NBAS: variants seen among roughly 807,000 people sequenced by gnomAD.
The protein encoded by NBAS is NAG/BC035112 fusion.
A neutral mutation model predicts 302.5 loss-of-function variants in NBAS; 219 were observed. The ratio of observed to expected loss-of-function variants is 0.72; its 90% confidence interval spans 0.65 to 0.81. NBAS has a LOEUF of 0.81. NBAS is among the 30% of genes least tolerant of loss of function. NBAS has a pLI of 0.00. For synonymous variants in NBAS, 1,118 were observed against 1,021.6 expected (o/e 1.09, Z -1.80); for missense variants, 2,932 against 2,841.6 (o/e 1.03, Z -0.72).
At chr2:15,283,288 A>G (rs1558501400) in intron 42 of NBAS, among the ~76,000 whole-genome samples, 1 of 152,192 alleles carries the variant, frequency 6.6e-6, no homozygotes, top group Non-Finnish European at 1.5e-5. Context: ...TGACACAAAT[A>G]ATCATAATAG....
chr2:15,517,161 T>C (rs1176566549), intron 9 of NBAS, among the ~76,000 whole-genome samples: 1 of 152,150 alleles, frequency 6.6e-6, no homozygotes, highest in Non-Finnish European at 1.5e-5. Flanking sequence ...TTACTTTTAT[T>C]TTAGGTTTAG....
intron 48 of NBAS, among the ~76,000 whole-genome samples, chr2:15,205,400 G>C (rs1006122260): frequency 3.9e-5 from 6 of 151,968 alleles, no homozygotes; most frequent in African/African-American, 1.5e-4. Flanking sequence ...GCAGGAGTAA[G>C]TCCTTACTTA....
the NBAS span, among the ~76,000 whole-genome samples, chr2:15,122,029 C>T: frequency 6.6e-6 from 1 of 152,072 alleles, no homozygotes; most frequent in South Asian, 2.1e-4. Context: ...CTAAGGGAAG[C>T]CTGAGGCTCC....
chr2:14,964,638 T>C, the NBAS span, among the ~76,000 whole-genome samples: 101 of 152,146 alleles, frequency 6.6e-4, 3 homozygotes, highest in Admixed American at 6.6e-3. Flanking sequence ...ATAAAACAAG[T>C]AAGCAGAAAA....
At chr2:14,907,508 T>G in the NBAS span, 1 of 152,346 alleles carries the variant, frequency 6.6e-6, no homozygotes, top group African/African-American at 2.4e-5. Flanking sequence ...AAAATACATA[T>G]GAAGCAGCGA....
At chr2:14,816,376 A>G in the NBAS span, among the ~76,000 whole-genome samples, 675 of 152,316 alleles carry the variant, frequency 4.4e-3, 2 homozygotes, top group African/African-American at 0.015. Flanking sequence ...ATGAGAATCT[A>G]ATGCCTGATG....
At chr2:15,316,084 C>G (rs1221455780) in intron 38 of NBAS, among the ~76,000 whole-genome samples, 1 of 152,162 alleles carries the variant, frequency 6.6e-6, no homozygotes, top group Non-Finnish European at 1.5e-5. Context: ...ATTACATGGA[C>G]GTTGCCATTA....
the NBAS span, among the ~76,000 whole-genome samples, chr2:15,079,937 TTACAACCATTA>T: frequency 6.4e-4 from 98 of 152,338 alleles, no homozygotes; most frequent in Middle Eastern, 3.4e-3. Context: ...GCATGATTTT[TTACAACCATTA>T]TATTGACAAA....
At chr2:14,859,061 A>G in the NBAS span, among the ~76,000 whole-genome samples, 12 of 152,206 alleles carry the variant, frequency 7.9e-5, no homozygotes, top group South Asian at 2.5e-3. Flanking sequence ...TGAAAAACAA[A>G]TCAAGAAAGT....
chr2:15,202,315 C>T (rs1429297495), intron 48 of NBAS, among the ~76,000 whole-genome samples: 1 of 152,112 alleles, frequency 6.6e-6, no homozygotes, highest in East Asian at 1.9e-4. Flanking sequence ...GTAATCACTC[C>T]CCATAAGTGC....
intron 28 of NBAS, 51 bp from the exon 29 acceptor site, chr2:15,383,368 A>T: frequency 6.5e-7 from 1 of 1,536,630 alleles, no homozygotes; most frequent in South Asian, 1.1e-5. Flanking sequence ...AACAATTAAA[A>T]TCTCTTTCTT....
chr2:14,902,514 A>T, the NBAS span, among the ~76,000 whole-genome samples: 1 of 152,226 alleles, frequency 6.6e-6, no homozygotes, highest in Non-Finnish European at 1.5e-5. Context: ...AGATACACAC[A>T]GAGAGAAGCT....
At chr2:15,358,637 G>A (rs1303982187) in intron 32 of NBAS, among the ~76,000 whole-genome samples, 1 of 151,992 alleles carries the variant, frequency 6.6e-6, no homozygotes, top group Non-Finnish European at 1.5e-5. Context: ...TACAAACAGG[G>A]TCTTGCTATA....
intron 44 of NBAS, among the ~76,000 whole-genome samples, chr2:15,241,835 C>T (rs1667880073): frequency 6.6e-6 from 1 of 152,128 alleles, no homozygotes; most frequent in South Asian, 2.1e-4. Flanking sequence ...CAGCACGGAA[C>T]TCAAGAACCT....
the NBAS span, among the ~76,000 whole-genome samples, chr2:14,872,145 G>A: frequency 4.4e-4 from 67 of 152,222 alleles, no homozygotes; most frequent in African/African-American, 1.6e-3. Flanking sequence ...AGAGTAAAAA[G>A]ATAAAACAGA....
At chr2:14,937,900 G>T in the NBAS span, among the ~76,000 whole-genome samples, 3 of 152,142 alleles carry the variant, frequency 2.0e-5, no homozygotes, top group Non-Finnish European at 4.4e-5. Flanking sequence ...GGAGGGCAAG[G>T]CAGGGAGACC....
At chr2:14,799,146 A>T in the NBAS span, among the ~76,000 whole-genome samples, 1 of 151,836 alleles carries the variant, frequency 6.6e-6, no homozygotes, top group Non-Finnish European at 1.5e-5. Flanking sequence ...AACTAAGTTC[A>T]TTTATTTGAG....
In NBAS at chr2:15,417,679, T is replaced by G; in HGVS notation, c.2611A>C (p.Met871Leu). 1 of 1,613,918 alleles carries G rather than the reference T, an allele frequency of 6.2e-7. No homozygotes were observed. Among genetic ancestry groups the G allele is most frequent in the South Asian group, 1.1e-5 (1 of 91,062 alleles). The change falls in exon 24 of 52, where the codon ATG becomes CTG. Residue 871 changes from methionine (M) to leucine (L), a missense_variant. By Grantham distance (15) the Met-to-Leu change is conservative. Transcript: ENST00000281513. The stretch of plus-strand genomic sequence containing the variant: ...AGCAAACCAGGAATATTCCGCTCCA[T>G]CCCAAGTCGAATAAGTGACAATGCA... ...DCALSLIRLGMERNIPGLLVL... is the reference protein window; with the variant it reads ...DCALSLIRLGLERNIPGLLVL...
intron 40 of NBAS, 31 bp from the exon 41 acceptor site, chr2:15,292,797 A>G (rs1670370848): frequency 3.1e-6 from 5 of 1,599,866 alleles, no homozygotes; most frequent in Non-Finnish European, 3.4e-6. Context: ...AAGACATTTT[A>G]CCAACATCAT....
Sources: allele counts gnomAD v4.1 joint callset (sites outside exome capture counted in the v4.1 genomes callset), GRCh38; gene constraint gnomAD v4.1.1; transcripts MANE v1.5; gene names NCBI Gene and HGNC (gene_info 2026-07-23, HGNC 2026-07-21).